PEMT: variants seen among roughly 807,000 people sequenced by gnomAD.
PEMT encodes phospholipid methyltransferase.
A neutral mutation model predicts 27.4 loss-of-function variants in PEMT; 23 were observed. The observed-to-expected ratio is 0.84, with a 90% CI of 0.60 to 1.19. The LOEUF is 1.19. Among genes scored for constraint, PEMT ranks in the 50% most tolerant of loss-of-function variants. The pLI, the probability that PEMT is intolerant of heterozygous loss-of-function variation, is 0.00. For missense variants in PEMT, 307 were observed against 310.1 expected (o/e 0.99, Z 0.07); for synonymous variants, 137 against 139.1 (o/e 0.98, Z 0.11).
intron 2 of PEMT, among the ~76,000 whole-genome samples, chr17:17,564,308 G>C (rs768825872): frequency 2.6e-5 from 4 of 152,102 alleles, no homozygotes; most frequent in Admixed American, 6.5e-5. Flanking sequence ...TATGGGGCTT[G>C]GGTGGGGGGC....
intron 2 of PEMT, among the ~76,000 whole-genome samples, chr17:17,557,761 T>G (rs573853109): frequency 6.6e-6 from 1 of 152,266 alleles, no homozygotes; most frequent in African/African-American, 2.4e-5. Context: ...ACTCTCCCAG[T>G]TCCATGTAGA....
chr17:17,549,966 G>A (rs76174318), intron 2 of PEMT, among the ~76,000 whole-genome samples: 8 of 152,316 alleles, frequency 5.3e-5, no homozygotes, highest in African/African-American at 1.4e-4. Flanking sequence ...GGGAGCACAC[G>A]CTGCTCAACA....
chr17:17,518,856 C>T (rs905029380), intron 3 of PEMT, among the ~76,000 whole-genome samples: 2 of 152,036 alleles, frequency 1.3e-5, no homozygotes, highest in Admixed American at 6.6e-5. Flanking sequence ...GACTGGGGGG[C>T]GGGAGATGAC....
Position 17,506,348 on chromosome 17 carries a change from C to G in PEMT, c.579-47G>C, listed in dbSNP as rs1235437252. The G allele has an allele frequency of 2.8e-6, 4 of 1,416,346 alleles. No individual in the cohort carries two copies. In the East Asian group the frequency reaches 9.9e-5, roughly 35 times the overall value. 87.7% of individuals were successfully genotyped at this position (1,416,346 alleles called of 1,614,324 possible). The stretch of plus-strand genomic sequence containing the variant: ...AGGCCTGGCTGGAGCCAGGGTCTCT[C>G]AGGGCCACGGCCCACCTGCCCAGGC... On this transcript the variant is annotated intron_variant, in intron 5 of 6. Transcript: ENST00000255389.
chr17:17,552,412 A>G (rs533829656), intron 2 of PEMT, among the ~76,000 whole-genome samples: 1 of 151,852 alleles, frequency 6.6e-6, no homozygotes, highest in South Asian at 2.1e-4. Context: ...GCCATTTGGG[A>G]TTCTCATGTC....
intron 1 of PEMT, among the ~76,000 whole-genome samples, chr17:17,578,173 A>ATT (rs112026765): frequency 1.5e-3 from 217 of 145,438 alleles, no homozygotes; most frequent in African/African-American, 5.1e-3. Flanking sequence ...AGATTTTACA[A>ATT]TTTTTTTTTT....
chr17:17,568,447 C>G (rs959270188), intron 2 of PEMT, among the ~76,000 whole-genome samples: 1 of 152,234 alleles, frequency 6.6e-6, no homozygotes, highest in African/African-American at 2.4e-5. Flanking sequence ...CCCAGGAGGG[C>G]AGGGTCCCGT....
In PEMT at chr17:17,524,671, GCAGTAA is replaced by G. The variant is rs1597888204; in HGVS notation, c.205-2282_205-2277del. On this transcript the variant is annotated intron_variant, in intron 2 of 6. Transcript: ENST00000255389. ...TGCCTGAGCCTAGAAGGTTGAGGATGCAGTAAGCCAAGATGGCACACCACTGTACCC... is the reference window on the plus strand; with the variant it reads ...TGCCTGAGCCTAGAAGGTTGAGGATGGCCAAGATGGCACACCACTGTACCC... Among the ~76,000 whole-genome samples the G allele has an allele frequency of 2.6e-5, 4 of 152,060 alleles. No individual in the cohort carries two copies. The East Asian group carries it at 7.7e-4, about 29-fold the overall frequency.
chr17:17,546,465 G>A (rs891886753), intron 2 of PEMT, among the ~76,000 whole-genome samples: 7 of 152,266 alleles, frequency 4.6e-5, no homozygotes, highest in Non-Finnish European at 8.8e-5. Context: ...GTGCCAGGCT[G>A]GTGGGGGGTG....
intron 2 of PEMT, among the ~76,000 whole-genome samples, chr17:17,541,939 G>A (rs533142810): frequency 7.2e-5 from 11 of 152,342 alleles, no homozygotes; most frequent in Non-Finnish European, 1.5e-4. Context: ...GAATATCAGT[G>A]CCTGAGCCAG....
intron 2 of PEMT, among the ~76,000 whole-genome samples, chr17:17,539,876 G>A (rs1023098638): frequency 3.9e-5 from 6 of 152,336 alleles, no homozygotes; most frequent in African/African-American, 1.4e-4. Context: ...AATCTCTCAG[G>A]AGCGTGGGCA....
At chr17:17,574,709 A>G (rs1255285301) in intron 2 of PEMT, among the ~76,000 whole-genome samples, 1 of 152,204 alleles carries the variant, frequency 6.6e-6, no homozygotes, top group East Asian at 1.9e-4. Flanking sequence ...ACTGTTGGCT[A>G]GGCTAGTGGG....
chr17:17,589,104 G>C (rs1210447661), intron 1 of PEMT, among the ~76,000 whole-genome samples: 1 of 152,210 alleles, frequency 6.6e-6, no homozygotes, highest in Non-Finnish European at 1.5e-5. Flanking sequence ...GGGATTACAG[G>C]CATGTGCCGC....
chr17:17,541,313 T>G (rs538656028), intron 2 of PEMT, among the ~76,000 whole-genome samples: 20 of 152,316 alleles, frequency 1.3e-4, no homozygotes, highest in African/African-American at 4.6e-4. Context: ...CTGAACCACC[T>G]GATCCCGAGC....
intron 2 of PEMT, among the ~76,000 whole-genome samples, chr17:17,569,444 G>A: frequency 6.6e-6 from 1 of 152,154 alleles, no homozygotes; most frequent in East Asian, 1.9e-4. Flanking sequence ...GCAAAGACCT[G>A]CACATGAGAG....
chr17:17,512,412 C>T lies in PEMT; in HGVS notation c.466+97G>A, dbSNP rs77045510. ...TGGAGGGGGCCCCTAGCACTCCCAC[C>T]GATGTCACGGATAGCAGGGCAGCAG... On this transcript the variant is annotated intron_variant, in intron 4 of 6. Coordinates refer to ENST00000255389, the MANE Select transcript of PEMT (RefSeq NM_148172.3). The surrounding 1 kb of genome is among the most constrained non-coding windows in gnomAD (Gnocchi z 6.3). The T allele has an allele frequency of 2.6e-4, 319 of 1,231,624 alleles. No homozygotes were observed. In the African/African-American group the frequency reaches 4.3e-3, roughly 17 times the overall value. The allele number at this position is 1,231,624 out of a possible 1,614,324, so 76.3% of individuals were successfully genotyped here.
intron 2 of PEMT, among the ~76,000 whole-genome samples, chr17:17,537,312 C>T (rs1431804145): frequency 6.6e-6 from 1 of 152,214 alleles, no homozygotes; most frequent in Non-Finnish European, 1.5e-5. Flanking sequence ...GCCCCCTTTG[C>T]CTTCCCCTTG....
chr17:17,555,007 G>A lies in PEMT; in HGVS notation c.204+21913C>T, dbSNP rs563672004. Among the ~76,000 whole-genome samples the A allele has an allele frequency of 4.6e-5, 7 of 152,234 alleles. No individual in the cohort carries two copies. In the South Asian group the frequency reaches 1.2e-3, roughly 27 times the overall value. On this transcript the variant is annotated intron_variant, in intron 2 of 6. Coordinates refer to ENST00000255389, the MANE Select transcript of PEMT (RefSeq NM_148172.3). ...CATGCACGGCCTCCACTGGGGATGC[G>A]GATGGGCACCAGAGTGACCACACAC... is the stretch of plus-strand genomic sequence containing the variant.
At position 17,582,471 on chromosome 17, in the gene PEMT, C is replaced by G. The variant is rs1310042415; in HGVS notation, c.97-5444G>C. The G allele has an allele frequency of 5.1e-6, 5 of 972,014 alleles. No homozygotes were observed. The highest frequency in any genetic ancestry group is 6.1e-6 in the Non-Finnish European group (5 of 817,728). 60.2% of individuals were successfully genotyped at this position (972,014 alleles called of 1,614,324 possible). Reference sequence around the variant, plus strand: ...TGGGTCAACATGTCACATTGTGACACATGGACAAACAGCAGGCCTGGACAG... The same window carrying G: ...TGGGTCAACATGTCACATTGTGACAGATGGACAAACAGCAGGCCTGGACAG... On this transcript the variant is annotated intron_variant, in intron 1 of 6. Coordinates refer to ENST00000255389, the MANE Select transcript of PEMT (RefSeq NM_148172.3). The surrounding 1 kb of genome is among the most constrained non-coding windows in gnomAD (Gnocchi z 4.9).
Sources: allele counts gnomAD v4.1 joint callset (sites outside exome capture counted in the v4.1 genomes callset), GRCh38; gene constraint gnomAD v4.1.1; non-coding constraint Gnocchi (gnomAD v3.1); transcripts MANE v1.5; gene names NCBI Gene and HGNC (gene_info 2026-07-23, HGNC 2026-07-21).